FABP12: variants seen among roughly 807,000 people sequenced by gnomAD.
FABP12 encodes the protein fatty acid-binding protein 12.
In FABP12, 19 loss-of-function variants were observed where a neutral mutation model predicts 13.7. That is an observed-to-expected ratio of 1.39 (90% CI 0.97 to 2.04). The LOEUF is 2.04. Ranked by LOEUF, FABP12 falls within the 30% of genes most tolerant of loss-of-function variation. The pLI, the probability that FABP12 is intolerant of heterozygous loss-of-function variation, is 0.00. For missense variants in FABP12, 182 were observed against 164.2 expected (o/e 1.11, Z -0.59); for synonymous variants, 61 against 57.0 (o/e 1.07, Z -0.32).
chr8:81,555,206 C>G (rs1486839489), intron 1 of FABP12, among the ~76,000 whole-genome samples: 1 of 152,014 alleles, frequency 6.6e-6, no homozygotes, highest in East Asian at 1.9e-4. Context: ...ATAATAAAAC[C>G]ACGGATTTGT....
At chr8:81,550,196 G>A (rs1218334635) in intron 1 of FABP12, among the ~76,000 whole-genome samples, 3 of 152,108 alleles carry the variant, frequency 2.0e-5, no homozygotes, top group African/African-American at 7.2e-5. Context: ...ATCCCACACA[G>A]TGCCAGCTAC....
Position 81,562,113 on chromosome 8 carries a change from T to C in FABP12, c.-184-22370A>G, listed in dbSNP as rs560321346. Reference sequence around the variant, plus strand: ...GGATACCAGCTCAGCCACAGTAAGATAGGGCATCAGGCAAAGTCCTGAGGC... The same window carrying C: ...GGATACCAGCTCAGCCACAGTAAGACAGGGCATCAGGCAAAGTCCTGAGGC... On this transcript the variant is annotated intron_variant, in intron 1 of 5. Transcript: ENST00000692030. Among the ~76,000 whole-genome samples the C allele has an allele frequency of 3.9e-5, 6 of 152,254 alleles. No homozygotes were observed. In the South Asian group the frequency reaches 6.2e-4, roughly 16 times the overall value.
intron 1 of FABP12, among the ~76,000 whole-genome samples, chr8:81,531,808 T>C (rs553437354): frequency 8.1e-4 from 124 of 152,336 alleles, no homozygotes; most frequent in African/African-American, 1.3e-3. Flanking sequence ...ACAGACTTCA[T>C]AGATGGTACT....
chr8:81,531,149 A>T, intron 2 of FABP12, 94 bp downstream of exon 2: 3 of 785,990 alleles, frequency 3.8e-6, no homozygotes, highest in Non-Finnish European at 6.3e-6. Flanking sequence ...AAAATTAGGG[A>T]GTTCAAGATT....
In FABP12 at chr8:81,539,433, C is replaced by CTTTTTTTTTTTTTTT. The variant is rs35386904; in HGVS notation, c.-59+170_-59+184dup. ...AAACATTTTCCTTACTTCTTTAGTT[C>CTTTTTTTTTTTTTTT]TTTTTTTTTTTTTTTTTTTTTTTTT... On this transcript the variant is annotated intron_variant, in intron 2 of 5. Coordinates refer to the FABP12 transcript ENST00000692030. Among the ~76,000 whole-genome samples, 67 of 50,024 alleles carry CTTTTTTTTTTTTTTT rather than the reference C, an allele frequency of 1.3e-3. 1 individual carries two copies. Among genetic ancestry groups the CTTTTTTTTTTTTTTT allele is most frequent in the East Asian group, 2.2e-3 (3 of 1,356 alleles). The allele number at this position is 50,024 out of a possible 152,430, so 32.8% of individuals were successfully genotyped here.
exon 4 of FABP12, chr8:81,527,040 C>T (rs1808920690): frequency 1.2e-6 from 2 of 1,609,482 alleles, no homozygotes; most frequent in Non-Finnish European, 1.7e-6. Context: ...TTCCCATCCA[C>T]CAGCTTTCTC....
At chr8:81,534,299 G>A (rs1809168113), upstream of FABP12, among the ~76,000 whole-genome samples, 1 of 152,106 alleles carries the variant, frequency 6.6e-6, no homozygotes, top group South Asian at 2.1e-4. Context: ...AGCCTTTCAT[G>A]CCATCCAGTA....
intron 1 of FABP12, among the ~76,000 whole-genome samples, chr8:81,585,383 A>AAG (rs567262373): frequency 1.7e-3 from 264 of 152,292 alleles, no homozygotes; most frequent in African/African-American, 6.1e-3. Context: ...ATTGAAAATG[A>AAG]GTTGGCTGTA....
At chr8:81,585,747 TC>T (rs1810229675) in intron 1 of FABP12, among the ~76,000 whole-genome samples, 2 of 152,210 alleles carry the variant, frequency 1.3e-5, no homozygotes, top group Admixed American at 1.3e-4. Context: ...CTCTTCAATT[TC>T]TTTCATCACT....
intron 2 of FABP12, among the ~76,000 whole-genome samples, chr8:81,530,237 T>C (rs113274304): frequency 1.1e-4 from 17 of 152,206 alleles, no homozygotes; most frequent in Non-Finnish European, 2.2e-4. Context: ...ACTTGCTTTT[T>C]CCCCTTATCT....
chr8:81,550,078 C>T (rs1366319315), intron 1 of FABP12, among the ~76,000 whole-genome samples: 1 of 152,122 alleles, frequency 6.6e-6, no homozygotes. Context: ...TGTCCATTTT[C>T]TTTCCAGTGT....
intron 3 of FABP12, 121 bp downstream of exon 3, chr8:81,529,317 T>A (rs1808993491): frequency 2.0e-6 from 2 of 984,358 alleles, no homozygotes; most frequent in Middle Eastern, 2.1e-4. Context: ...TAGACCTATG[T>A]TTTAGACAAA....
intron 1 of FABP12, among the ~76,000 whole-genome samples, chr8:81,565,614 T>G (rs1191788935): frequency 1.4e-5 from 2 of 147,692 alleles, no homozygotes; most frequent in East Asian, 3.8e-4. Flanking sequence ...AATTAAAAAA[T>G]GTCTTCAAAC....
intron 1 of FABP12, among the ~76,000 whole-genome samples, chr8:81,549,394 G>C (rs1809490990): frequency 6.6e-6 from 1 of 152,126 alleles, no homozygotes; most frequent in East Asian, 1.9e-4. Context: ...TTGTAATTCT[G>C]GAAGTTTTCA....
chr8:81,579,626 G>A (rs1468430151), intron 1 of FABP12, among the ~76,000 whole-genome samples: 1 of 152,158 alleles, frequency 6.6e-6, no homozygotes, highest in Non-Finnish European at 1.5e-5. Flanking sequence ...TTGTTGGCAT[G>A]TCACTAGTGT....
chr8:81,582,324 T>C (rs1472806741), intron 1 of FABP12, among the ~76,000 whole-genome samples: 1 of 151,902 alleles, frequency 6.6e-6, no homozygotes, highest in Non-Finnish European at 1.5e-5. Flanking sequence ...GGTTTCACTA[T>C]GTTGGCCAGG....
At chr8:81,565,185 G>A (rs1434271815) in intron 1 of FABP12, among the ~76,000 whole-genome samples, 2 of 151,826 alleles carry the variant, frequency 1.3e-5, no homozygotes, top group Non-Finnish European at 2.9e-5. Context: ...CAGATATATA[G>A]GGCAAATATT....
intron 1 of FABP12, among the ~76,000 whole-genome samples, chr8:81,581,622 CA>C (rs1311441890): frequency 6.6e-6 from 1 of 152,110 alleles, no homozygotes; most frequent in South Asian, 2.1e-4. Flanking sequence ...ATCAGATTAA[CA>C]GTGGATTTCT....
At chr8:81,558,755 TG>T (rs967056840) in intron 1 of FABP12, among the ~76,000 whole-genome samples, 5 of 151,814 alleles carry the variant, frequency 3.3e-5, no homozygotes, top group Non-Finnish European at 5.9e-5. Context: ...CCGGGCATGG[TG>T]GCACACGCCT....
Sources: gnomAD v4.1 joint callset for allele counts (sites outside exome capture counted in the v4.1 genomes callset) on GRCh38, gnomAD v4.1.1 for gene constraint, MANE v1.5 for transcripts, NCBI Gene and HGNC (gene_info 2026-07-23, HGNC 2026-07-21) for gene names.